Variants in MYRFL observed in about 807,000 individuals in gnomAD.
MYRFL encodes myelin regulatory factor like.
Under a neutral mutation model 109.4 loss-of-function variants are expected in MYRFL, and 88 were observed. The observed-to-expected ratio is 0.80, with a 90% CI of 0.68 to 0.96. MYRFL has a LOEUF of 0.96. Among genes scored for constraint, MYRFL ranks in the 40% least tolerant of loss-of-function variants. MYRFL has a pLI of 0.00. For missense variants in MYRFL, 957 were observed against 954.9 expected, an observed-to-expected ratio of 1.00 and a Z score of -0.03; for synonymous variants, 324 against 320.9, an observed-to-expected ratio of 1.01 and a Z score of -0.10.
At chr12:69,878,906 C>A (rs1164285419) in intron 2 of MYRFL, 122 bp from the exon 3 acceptor site, 2 of 669,216 alleles carry the variant, frequency 3.0e-6, no homozygotes, top group Non-Finnish European at 5.5e-6. Context: ...CCTCACCCCC[C>A]CATGCCCAGC....
intron 15 of MYRFL, among the ~76,000 whole-genome samples, chr12:69,929,441 C>T (rs1955202732): frequency 6.6e-6 from 1 of 152,016 alleles, no homozygotes; most frequent in Admixed American, 6.6e-5. Flanking sequence ...GAGAGTTGAG[C>T]CTTAAAGGAG....
Position 69,956,090 on chromosome 12 carries a change from G to T in MYRFL, c.2450+653G>T, listed in dbSNP as rs572252338. Among the ~76,000 whole-genome samples, 95 of 151,750 alleles carry T rather than the reference G, an allele frequency of 6.3e-4. 1 individual carries two copies. Among genetic ancestry groups the T allele is most frequent in the Middle Eastern group, 6.8e-3 (2 of 294 alleles). On this transcript the variant is annotated intron_variant, in intron 22 of 24. Coordinates refer to ENST00000552032, the MANE Select transcript of MYRFL (RefSeq NM_182530.3). ...GACTATATGCCAGACTTTAATACTGGGTCATAAAATCCTCACAGCAACCCT... is the reference window on the plus strand; with the variant it reads ...GACTATATGCCAGACTTTAATACTGTGTCATAAAATCCTCACAGCAACCCT...
In MYRFL at chr12:69,879,015, C is replaced by G. The variant is rs1484374095; in HGVS notation, c.138-13C>G. On this transcript the variant is annotated splice_polypyrimidine_tract_variant and intron_variant, in intron 2 of 24. Coordinates refer to ENST00000552032, the MANE Select transcript of MYRFL (RefSeq NM_182530.3). ...AGTGAAACAAAAACGCAATGTATGT[C>G]TCTAATCTTCAGGCAACGCCAGCTC... 1.4e-6 allele frequency: 1 copy of G among 702,882 alleles called. No homozygotes were observed. The highest frequency in any genetic ancestry group is 2.6e-6 in the Non-Finnish European group (1 of 384,840). The allele number at this position is 702,882 out of a possible 1,614,324, so 43.5% of individuals were successfully genotyped here.
chr12:69,891,194 A>G lies in MYRFL; in HGVS notation c.903+28A>G, dbSNP rs1198790343. 6 of 1,400,480 alleles carry G rather than the reference A, an allele frequency of 4.3e-6. No homozygotes were observed. The African/African-American group carries it at 5.8e-5, about 14-fold the overall frequency. The allele number at this position is 1,400,480 out of a possible 1,614,324, so 86.8% of individuals were successfully genotyped here. A position where few individuals can be genotyped will look rare whatever the true frequency, so the allele number is the denominator to read the frequency against. On this transcript the variant is annotated intron_variant, in intron 7 of 24. Coordinates refer to ENST00000552032, the MANE Select transcript of MYRFL (RefSeq NM_182530.3). ...ATGTCTTTTATTTAGTTCAGTTTAT[A>G]TCAGTCAACATTTATTTTGTTTCAG...
chr12:69,846,787 G>T (rs1318990750), intron 1 of MYRFL, among the ~76,000 whole-genome samples: 56 of 151,726 alleles, frequency 3.7e-4, no homozygotes, highest in African/African-American at 1.1e-3. Flanking sequence ...ACTTCCACAA[G>T]GGTTGAACTA....
At chr12:69,856,066 C>T (rs956076003) in intron 2 of MYRFL, among the ~76,000 whole-genome samples, 8 of 151,328 alleles carry the variant, frequency 5.3e-5, no homozygotes, top group South Asian at 2.1e-4. Context: ...TTCCCTATGC[C>T]GTTCATTTGT....
chr12:69,894,757 A>G (rs7960768), intron 8 of MYRFL, among the ~76,000 whole-genome samples: 24,159 of 152,226 alleles, frequency 0.16, 2,485 homozygotes, highest in African/African-American at 0.29. Context: ...GCAGGGATGC[A>G]GTGGAGACAT....
At chr12:69,957,224 C>A (rs2120565938) in intron 22 of MYRFL, among the ~76,000 whole-genome samples, 1 of 152,318 alleles carries the variant, frequency 6.6e-6, no homozygotes, top group East Asian at 1.9e-4. Flanking sequence ...TGGTAGGACT[C>A]ACTCCCAAAC....
At chr12:69,907,567 T>C (rs1206885516) in intron 11 of MYRFL, among the ~76,000 whole-genome samples, 1 of 152,226 alleles carries the variant, frequency 6.6e-6, no homozygotes. Context: ...GGGTAGGGCC[T>C]AGGCAGTGCA....
rs542316799 is a variant in MYRFL at position 69,861,650 on chromosome 12, C to A, written c.137+6280C>A. On this transcript the variant is annotated intron_variant, in intron 2 of 24. Coordinates refer to ENST00000552032, the MANE Select transcript of MYRFL (RefSeq NM_182530.3). ...TTCATTGTAGATTCTGGATATTAGC[C>A]CTTTGTCAGATGAATAGGTTGTGAA... Among the ~76,000 whole-genome samples the A allele has an allele frequency of 3.3e-5, 5 of 151,948 alleles. No individual in the cohort carries two copies. In the South Asian group the frequency reaches 1.0e-3, roughly 32 times the overall value.
chr12:69,880,626 C>T (rs1219771624), intron 5 of MYRFL, among the ~76,000 whole-genome samples: 1 of 152,192 alleles, frequency 6.6e-6, no homozygotes, highest in Non-Finnish European at 1.5e-5. Flanking sequence ...CTGGTGTGCC[C>T]ATTGCATTGC....
chr12:69,877,015 CTTTCTTTCTTTTT>C (rs1885707390), intron 2 of MYRFL, among the ~76,000 whole-genome samples: 1 of 34,410 alleles, frequency 2.9e-5, no homozygotes, highest in Non-Finnish European at 6.5e-5. Context: ...TTCTTTCTTT[CTTTCTTTCTTTTT>C]TTTTTTTTTT....
chr12:69,924,276 G>A (rs766336693), intron 13 of MYRFL, among the ~76,000 whole-genome samples: 1 of 151,140 alleles, frequency 6.6e-6, no homozygotes, highest in Non-Finnish European at 1.5e-5. Context: ...CAGAGAATCT[G>A]GGTTCTATCC....
intron 13 of MYRFL, among the ~76,000 whole-genome samples, chr12:69,914,757 C>T (rs755372439): frequency 2.0e-5 from 3 of 152,184 alleles, no homozygotes; most frequent in Non-Finnish European, 4.4e-5. Flanking sequence ...CAGCCAGCCT[C>T]ATTCATGTGT....
intron 11 of MYRFL, among the ~76,000 whole-genome samples, chr12:69,908,179 C>A (rs1185009973): frequency 1.3e-5 from 2 of 152,160 alleles, no homozygotes; most frequent in Non-Finnish European, 2.9e-5. Context: ...AGCTGAGCAC[C>A]TACAACATGC....
intron 19 of MYRFL, among the ~76,000 whole-genome samples, chr12:69,947,481 A>G (rs1955867618): frequency 6.6e-6 from 1 of 152,202 alleles, no homozygotes. Context: ...CAGGAAGTGG[A>G]AAGTGAGTAT....
chr12:69,888,838 G>A (rs560484598), intron 6 of MYRFL, among the ~76,000 whole-genome samples: 6 of 152,310 alleles, frequency 3.9e-5, no homozygotes, highest in Non-Finnish European at 8.8e-5. Context: ...CAAATTAGCA[G>A]ATTAATTCTA....
intron 2 of MYRFL, among the ~76,000 whole-genome samples, chr12:69,875,805 C>T (rs1017385117): frequency 8.5e-5 from 13 of 152,222 alleles, no homozygotes; most frequent in African/African-American, 2.9e-4. Context: ...ACGTCCATCT[C>T]TTCCATGAAA....
At chr12:69,912,825 T>G (rs1954615021) in intron 13 of MYRFL, among the ~76,000 whole-genome samples, 2 of 152,204 alleles carry the variant, frequency 1.3e-5, no homozygotes, top group African/African-American at 4.8e-5. Context: ...TACTCAGAAG[T>G]GGAACTGCTG....
Sources: allele counts gnomAD v4.1 joint callset (sites outside exome capture counted in the v4.1 genomes callset), GRCh38; gene constraint gnomAD v4.1.1; transcripts MANE v1.5; gene names NCBI Gene and HGNC (gene_info 2026-07-23, HGNC 2026-07-21).